The following RPH3A variants were observed in gnomAD, a reference collection of about 807,000 sequenced individuals.
RPH3A encodes the protein rabphilin 3A, also known as rabphilin-3A.
A neutral mutation model predicts 102.2 loss-of-function variants in RPH3A; 48 were observed. That is an observed-to-expected ratio of 0.47 (90% CI 0.37 to 0.60). RPH3A has a LOEUF of 0.60. RPH3A is among the 20% of genes least tolerant of loss of function. The probability of loss-of-function intolerance (pLI) is 0.00; values close to 1 mark genes in which losing one functional copy is unlikely to be tolerated. For synonymous variants in RPH3A, 310 were observed against 324.3 expected, an observed-to-expected ratio of 0.96 and a Z score of 0.47; for missense variants, 781 against 910.1, an observed-to-expected ratio of 0.86 and a Z score of 1.83.
chr12:112,577,423 A>G (rs2039367612), intron 1 of RPH3A, among the ~76,000 whole-genome samples: 1 of 152,160 alleles, frequency 6.6e-6, no homozygotes, highest in Non-Finnish European at 1.5e-5. Flanking sequence ...TTAGCATGGT[A>G]ATGCATTGTA....
At chr12:112,750,473 G>A (rs1186470328) in intron 1 of RPH3A, among the ~76,000 whole-genome samples, 3 of 152,198 alleles carry the variant, frequency 2.0e-5, no homozygotes, top group Non-Finnish European at 4.4e-5. Context: ...CATCTAAGGA[G>A]TGAGGGAGCT....
At chr12:112,610,884 C>T (rs947211829) in intron 1 of RPH3A, among the ~76,000 whole-genome samples, 1 of 152,204 alleles carries the variant, frequency 6.6e-6, no homozygotes. Flanking sequence ...GATCCACCCA[C>T]CTTGGCCTCC....
At chr12:112,711,137 A>T (rs576481482) in intron 1 of RPH3A, among the ~76,000 whole-genome samples, 27 of 152,288 alleles carry the variant, frequency 1.8e-4, no homozygotes, top group African/African-American at 6.5e-4. Context: ...TGAGGTCTGT[A>T]CACACCCTGC....
At chr12:112,601,157 CAG>C (rs2039556174) in intron 1 of RPH3A, among the ~76,000 whole-genome samples, 1 of 152,180 alleles carries the variant, frequency 6.6e-6, no homozygotes, top group Non-Finnish European at 1.5e-5. Flanking sequence ...CAAATCGTAT[CAG>C]TAGCTGTGTT....
intron 1 of RPH3A, among the ~76,000 whole-genome samples, chr12:112,676,256 G>A (rs2040173513): frequency 6.6e-6 from 1 of 151,822 alleles, no homozygotes; most frequent in African/African-American, 2.4e-5. Flanking sequence ...TCCCAGGCTG[G>A]GACAGATGTT....
At chr12:112,879,239 C>A (rs771240936) in intron 14 of RPH3A, 41 bp downstream of exon 14, 5 of 1,556,570 alleles carry the variant, frequency 3.2e-6, no homozygotes, top group Admixed American at 1.7e-5. Flanking sequence ...TCAGGATGCT[C>A]TGGCATGGCT....
intron 1 of RPH3A, among the ~76,000 whole-genome samples, chr12:112,696,058 C>T (rs1476475999): frequency 2.0e-5 from 3 of 152,200 alleles, no homozygotes; most frequent in African/African-American, 4.8e-5. Flanking sequence ...CATAGCTTAG[C>T]TCCCACTTAT....
chr12:112,579,383 T>C (rs906420433), intron 1 of RPH3A, among the ~76,000 whole-genome samples: 3 of 152,138 alleles, frequency 2.0e-5, no homozygotes, highest in African/African-American at 7.2e-5. Context: ...GGATTACTTT[T>C]CTCAGAATTA....
chr12:112,807,583 A>T (rs2041494209), intron 2 of RPH3A, among the ~76,000 whole-genome samples: 1 of 152,196 alleles, frequency 6.6e-6, no homozygotes, highest in Non-Finnish European at 1.5e-5. Flanking sequence ...GATAACAATA[A>T]CAACTACCTT....
intron 1 of RPH3A, among the ~76,000 whole-genome samples, chr12:112,679,034 C>T (rs1337282892): frequency 6.6e-6 from 1 of 152,168 alleles, no homozygotes; most frequent in Non-Finnish European, 1.5e-5. Context: ...TTTCCATGGA[C>T]CAACCTGCCC....
At position 112,586,762 on chromosome 12, in the gene RPH3A, A is replaced by G. The variant is rs149011117; in HGVS notation, c.-140+11443A>G. 1.9e-3 allele frequency among the ~76,000 whole-genome samples: 289 copies of G among 152,290 alleles called. 2 individuals are homozygous for G. The highest frequency in any genetic ancestry group is 6.5e-3 in the African/African-American group (272 of 41,560). On this transcript the variant is annotated intron_variant, in intron 1 of 21. Coordinates refer to the RPH3A transcript ENST00000543106. ...TACTATTTATGGCCATTTTACAGTT[A>G]GGGAAACTGAGGCATAGAGCGATGA...
rs1689059400 is a variant in RPH3A at position 112,891,276 on chromosome 12, T to G, written c.1775+273T>G. ...GCTGATGGCTCTGCAACTAAGCTAATTAGTTATAGTAGCCCCATTTGTACT... is the reference window on the plus strand; with the variant it reads ...GCTGATGGCTCTGCAACTAAGCTAAGTAGTTATAGTAGCCCCATTTGTACT... On this transcript the variant is annotated intron_variant, in intron 19 of 21. Coordinates refer to ENST00000389385, the MANE Select transcript of RPH3A (RefSeq NM_001143854.2). 13 of 438,320 alleles carry G rather than the reference T, an allele frequency of 3.0e-5. No homozygotes were observed. In the Middle Eastern group the frequency reaches 4.3e-3, roughly 146 times the overall value. 27.2% of individuals were successfully genotyped at this position (438,320 alleles called of 1,614,324 possible).
chr12:112,897,175 C>CACA lies in RPH3A; in HGVS notation c.*395_*396insACA. On this transcript the variant is annotated 3_prime_UTR_variant, in exon 22 of 22. Transcript: ENST00000389385. The stretch of plus-strand genomic sequence containing the variant: ...ACACACACACACACACACACACACA[C>CACA]CCTTTCATTCCCTGTGTTGTGTCTC... The CACA allele has an allele frequency of 5.7e-6, 1 of 176,126 alleles. No homozygotes were observed. The allele number at this position is 176,126 out of a possible 1,614,324, so 10.9% of individuals were successfully genotyped here. A position where few individuals can be genotyped will look rare whatever the true frequency, so the allele number is the denominator to read the frequency against.
At position 112,630,834 on chromosome 12, in the gene RPH3A, C is replaced by T. The variant is rs147213060; in HGVS notation, c.-140+55515C>T. Among the ~76,000 whole-genome samples the T allele has an allele frequency of 4.4e-3, 667 of 152,198 alleles. 5 individuals are homozygous for T. The highest frequency in any genetic ancestry group is 0.015 in the African/African-American group (632 of 41,532). Reference sequence around the variant, plus strand: ...TGGAATAAGACAGGTACAATCCTTGCTGTCATTCACTGTCTGTGGGATGGG... The same window carrying T: ...TGGAATAAGACAGGTACAATCCTTGTTGTCATTCACTGTCTGTGGGATGGG... On this transcript the variant is annotated intron_variant, in intron 1 of 21. Coordinates refer to the RPH3A transcript ENST00000543106.
intron 1 of RPH3A, among the ~76,000 whole-genome samples, chr12:112,694,738 GCT>G: frequency 6.6e-6 from 1 of 151,612 alleles, no homozygotes; most frequent in African/African-American, 2.4e-5. Flanking sequence ...CTTCCATGAA[GCT>G]CTCTTAGATA....
intron 1 of RPH3A, among the ~76,000 whole-genome samples, chr12:112,746,535 A>G (rs1209869768): frequency 6.6e-6 from 1 of 152,106 alleles, no homozygotes; most frequent in African/African-American, 2.4e-5. Flanking sequence ...CTAATTAACG[A>G]TGCCCTTCTT....
chr12:112,883,545 C>A, intron 16 of RPH3A, 143 bp downstream of exon 16: 1 of 621,286 alleles, frequency 1.6e-6, no homozygotes, highest in South Asian at 2.0e-5. Context: ...TTACTTTTAC[C>A]AAAAAATGAT....
chr12:112,797,184 C>T (rs775006128), intron 2 of RPH3A, among the ~76,000 whole-genome samples: 1 of 152,172 alleles, frequency 6.6e-6, no homozygotes, highest in African/African-American at 2.4e-5. Context: ...CCTGAAATTT[C>T]CATCATTCAA....
At chr12:112,891,741 G>A (rs945412479) in intron 19 of RPH3A, among the ~76,000 whole-genome samples, 3 of 152,190 alleles carry the variant, frequency 2.0e-5, no homozygotes, top group Non-Finnish European at 4.4e-5. Flanking sequence ...GGAGTGGGCC[G>A]ACCTTAGCAT....
Sources: gnomAD v4.1 joint callset for allele counts (sites outside exome capture counted in the v4.1 genomes callset) on GRCh38, gnomAD v4.1.1 for gene constraint, MANE v1.5 for transcripts, NCBI Gene and HGNC (gene_info 2026-07-23, HGNC 2026-07-21) for gene names.